The following PRKAR2A variants were observed in gnomAD, a reference collection of about 807,000 sequenced individuals.
The protein encoded by PRKAR2A is cAMP-dependent protein kinase type II-alpha regulatory subunit.
Under a neutral mutation model 51.9 loss-of-function variants are expected in PRKAR2A, and 29 were observed. The observed-to-expected ratio is 0.56, with a 90% CI of 0.42 to 0.76. The LOEUF is 0.76. Among genes scored for constraint, PRKAR2A ranks in the 30% least tolerant of loss-of-function variants. The pLI, the probability that PRKAR2A is intolerant of heterozygous loss-of-function variation, is 0.00. For missense variants in PRKAR2A, 445 were observed against 512.1 expected (o/e 0.87, Z 1.26); for synonymous variants, 178 against 186.2 (o/e 0.96, Z 0.36).
chr3:48,758,876 A>G (rs755427813), intron 8 of PRKAR2A, among the ~76,000 whole-genome samples: 42 of 152,178 alleles, frequency 2.8e-4, no homozygotes, highest in Non-Finnish European at 4.6e-4. Context: ...ATCTTTCCCT[A>G]GCAGGTAGCG....
intron 8 of PRKAR2A, among the ~76,000 whole-genome samples, chr3:48,763,012 A>G (rs1185898012): frequency 6.6e-6 from 1 of 152,130 alleles, no homozygotes; most frequent in African/African-American, 2.4e-5. Flanking sequence ...AATACAAAAC[A>G]AGGAACTGTA....
intron 8 of PRKAR2A, 67 bp downstream of exon 8, chr3:48,764,937 G>C (rs1254102198): frequency 3.5e-6 from 5 of 1,434,544 alleles, no homozygotes; most frequent in Non-Finnish European, 4.9e-6. Context: ...AAGTTTTTGA[G>C]ATAAATGATG....
At chr3:48,808,709 GT>G (rs1559633633) in intron 1 of PRKAR2A, among the ~76,000 whole-genome samples, 1 of 110,688 alleles carries the variant, frequency 9.0e-6, no homozygotes, top group Non-Finnish European at 1.8e-5. Flanking sequence ...TAGAGACAGG[GT>G]TTTGCCACAT....
chr3:48,794,335 G>C (rs2082454046), intron 2 of PRKAR2A, among the ~76,000 whole-genome samples: 1 of 151,444 alleles, frequency 6.6e-6, no homozygotes, highest in Non-Finnish European at 1.5e-5. Flanking sequence ...ATTTTTAGTA[G>C]GGATGGGGTT....
At chr3:48,823,212 G>A (rs1445992753) in intron 1 of PRKAR2A, among the ~76,000 whole-genome samples, 2 of 151,910 alleles carry the variant, frequency 1.3e-5, no homozygotes, top group African/African-American at 2.4e-5. Context: ...GGCCCTTCAA[G>A]TGACTTTAAC....
In PRKAR2A at chr3:48,751,543, G is replaced by A. The variant is rs2081647542; in HGVS notation, c.*42C>T. Reference sequence around the variant, plus strand: ...GTATGTGTTCTGTGGCTGACCAGAAGGTTTTGGTGTCACACTAAGAAGGCT... The same window carrying A: ...GTATGTGTTCTGTGGCTGACCAGAAAGTTTTGGTGTCACACTAAGAAGGCT... On this transcript the variant is annotated 3_prime_UTR_variant, in exon 11 of 11. Transcript: ENST00000265563. 1 of 1,602,706 alleles carries A rather than the reference G, an allele frequency of 6.2e-7. No homozygotes were observed. Among genetic ancestry groups the A allele is most frequent in the Admixed American group, 1.7e-5 (1 of 59,506 alleles).
intron 2 of PRKAR2A, among the ~76,000 whole-genome samples, chr3:48,805,253 G>C (rs1360164412): frequency 6.6e-6 from 1 of 152,130 alleles, no homozygotes; most frequent in Non-Finnish European, 1.5e-5. Flanking sequence ...AGAAGGGAGA[G>C]AGAATGCTCT....
At chr3:48,817,825 C>T (rs1172157234) in intron 1 of PRKAR2A, among the ~76,000 whole-genome samples, 2 of 151,688 alleles carry the variant, frequency 1.3e-5, no homozygotes, top group Non-Finnish European at 2.9e-5. Flanking sequence ...CTCTTTACAG[C>T]ACAAGAGCTG....
chr3:48,817,066 C>T (rs149853818), intron 1 of PRKAR2A, among the ~76,000 whole-genome samples: 30 of 152,052 alleles, frequency 2.0e-4, no homozygotes, highest in African/African-American at 6.8e-4. Context: ...CAGTGGCTCA[C>T]GCCTGTAATC....
At position 48,794,045 on chromosome 3, in the gene PRKAR2A, A is replaced by G; in HGVS notation, c.303T>C (p.Cys101=). ...CCTCATCAGGGTTATAGGTCTCAGC[A>G]CAGACTAAAATTGGAGAGAAAAAAA... ...PSRFNRRVSV[C]AETYNPDEEE... The change falls in exon 3 of 11, where the codon TGT becomes TGC. Residue 101 remains cysteine (C), a synonymous_variant. Transcript: ENST00000265563. 1.9e-6 allele frequency: 3 copies of G among 1,602,282 alleles called. No individual in the cohort carries two copies. The highest frequency in any genetic ancestry group is 2.6e-6 in the Non-Finnish European group (3 of 1,170,590).
chr3:48,815,862 T>TA (rs1246476858), intron 1 of PRKAR2A, among the ~76,000 whole-genome samples: 1 of 139,272 alleles, frequency 7.2e-6, no homozygotes, highest in Non-Finnish European at 1.6e-5. Flanking sequence ...CTACTAAAAA[T>TA]AAAAAAATTA....
At chr3:48,819,128 G>A (rs1575926802) in intron 1 of PRKAR2A, among the ~76,000 whole-genome samples, 1 of 151,960 alleles carries the variant, frequency 6.6e-6, no homozygotes, top group Admixed American at 6.6e-5. Context: ...CGATTCTCCT[G>A]CCTTAGCCTC....
chr3:48,821,688 C>T (rs1490896578), intron 1 of PRKAR2A, among the ~76,000 whole-genome samples: 2 of 151,854 alleles, frequency 1.3e-5, no homozygotes, highest in African/African-American at 4.8e-5. Flanking sequence ...GAGGCCGAGG[C>T]GGGCGGATCG....
chr3:48,805,588 T>C (rs1390627574), intron 2 of PRKAR2A, among the ~76,000 whole-genome samples: 1 of 152,192 alleles, frequency 6.6e-6, no homozygotes, highest in Non-Finnish European at 1.5e-5. Flanking sequence ...TTTCCTTGTC[T>C]GTAAATTGGG....
intron 9 of PRKAR2A, among the ~76,000 whole-genome samples, chr3:48,754,927 A>G (rs77310810): frequency 6.6e-6 from 1 of 150,670 alleles, no homozygotes; most frequent in Non-Finnish European, 1.5e-5. Context: ...AAAAAAAAAA[A>G]GAGAGAGAGA....
intron 2 of PRKAR2A, among the ~76,000 whole-genome samples, chr3:48,801,842 T>C (rs748345237): frequency 6.6e-6 from 1 of 152,170 alleles, no homozygotes; most frequent in Non-Finnish European, 1.5e-5. Flanking sequence ...GTTCAAGCGA[T>C]TCTCCTGCCT....
chr3:48,805,206 G>A (rs530758800), intron 2 of PRKAR2A, among the ~76,000 whole-genome samples: 1 of 152,168 alleles, frequency 6.6e-6, no homozygotes, highest in African/African-American at 2.4e-5. Context: ...AGCCACGATG[G>A]CCAGCCATAA....
At chr3:48,759,384 CTT>C (rs1246199187) in intron 8 of PRKAR2A, among the ~76,000 whole-genome samples, 31 of 138,252 alleles carry the variant, frequency 2.2e-4, no homozygotes, top group Non-Finnish European at 3.5e-4. Context: ...CATCCTGCCC[CTT>C]TTTTTTTTTT....
intron 5 of PRKAR2A, among the ~76,000 whole-genome samples, chr3:48,773,762 AC>A (rs1197384433): frequency 4.0e-5 from 6 of 151,542 alleles, no homozygotes. Context: ...ATACACACAC[AC>A]ACATATATAC....
Sources: gnomAD v4.1 joint callset for allele counts (sites outside exome capture counted in the v4.1 genomes callset) on GRCh38, gnomAD v4.1.1 for gene constraint, MANE v1.5 for transcripts, NCBI Gene and HGNC (gene_info 2026-07-23, HGNC 2026-07-21) for gene names.